TBC1D10B: variants seen among roughly 807,000 people sequenced by gnomAD.
TBC1D10B encodes the protein TBC1 domain family member 10B, also known as Rab27A-GAPbeta.
Under a neutral mutation model 78.4 loss-of-function variants are expected in TBC1D10B, and 25 were observed. The ratio of observed to expected loss-of-function variants is 0.32; its 90% CI spans 0.23 to 0.45. TBC1D10B has a LOEUF of 0.45. Ranked by LOEUF, TBC1D10B falls within the 20% of genes least tolerant of loss-of-function variation. The probability of loss-of-function intolerance (pLI) is 1.00; values close to 1 mark genes in which losing one functional copy is unlikely to be tolerated. For missense variants in TBC1D10B, 996 were observed against 1,104.8 expected, an observed-to-expected ratio of 0.90 and a Z score of 1.40; for synonymous variants, 517 against 478.0, an observed-to-expected ratio of 1.08 and a Z score of -1.06.
chr16:30,358,078 T>C lies in TBC1D10B; in HGVS notation c.2293A>G (p.Lys765Glu). ...KQEKEREKQEKERQKQEKKAQ... is the reference protein window; with the variant it reads ...KQEKEREKQEEERQKQEKKAQ... ...TTCTTCTCCTGCTTCTGCCGCTCCT[T>C]CTCCTGCTTCTCTCGCTCCTTTTCC... The change falls in exon 9 of 9, where the codon AAG becomes GAG. Residue 765 changes from lysine (K) to glutamate (E), a missense_variant. By Grantham distance (56) the Lys-to-Glu change is moderately conservative. Transcript: ENST00000409939. 3 of 1,551,378 alleles carry C rather than the reference T, an allele frequency of 1.9e-6. No homozygotes were observed. Among genetic ancestry groups the C allele is most frequent in the Admixed American group, 2.0e-5 (1 of 51,006 alleles).
At position 30,358,745 on chromosome 16, in the gene TBC1D10B, G is replaced by T; in HGVS notation, c.1715C>A (p.Ser572Tyr). The change falls in exon 8 of 9, where the codon TCC becomes TAC. Residue 572 changes from serine (S) to tyrosine (Y), a missense_variant. Ser to Tyr is a moderately radical substitution (Grantham distance 144, BLOSUM62 -2). This residue lies in a region of TBC1D10B where 168 missense variants were observed against 238.7 expected (regional missense o/e 0.70). Transcript: ENST00000409939. The stretch of plus-strand genomic sequence containing the variant: ...CATGGTCTCATACATGCCTTGGCAG[G>T]AGCGCAGCTTCTCCACTGAGCCCAG... ...HTLGSVEKLR[S>Y]CQGMYETMEQ... The T allele has an allele frequency of 6.2e-7, 1 of 1,609,668 alleles. No homozygotes were observed. The highest frequency in any genetic ancestry group is 8.5e-7 in the Non-Finnish European group (1 of 1,178,064).
At position 30,358,399 on chromosome 16, in the gene TBC1D10B, TGGA is replaced by T; in HGVS notation, c.1969_1971del (p.Ser658del). 1.3e-6 allele frequency: 2 copies of T among 1,571,546 alleles called. No homozygotes were observed. The highest frequency in any genetic ancestry group is 1.7e-6 in the Non-Finnish European group (2 of 1,158,988). ...TTGAGGCCAGGGAGGCTGAGGAGGC[TGGA>T]GGAGGGGCCCAGGGGTGGCTGTTGC... is the stretch of plus-strand genomic sequence containing the variant. On this transcript the variant is annotated inframe_deletion, in exon 9 of 9. Coordinates refer to ENST00000409939, the MANE Select transcript of TBC1D10B (RefSeq NM_015527.4).
chr16:30,370,088 G>A lies in TBC1D10B; in HGVS notation c.96C>T (p.Pro32=), dbSNP rs934936556. 102 of 1,225,088 alleles carry A rather than the reference G, an allele frequency of 8.3e-5. No homozygotes were observed. The highest frequency in any genetic ancestry group is 1.0e-4 in the Non-Finnish European group (99 of 983,838). The allele number at this position is 1,225,088 out of a possible 1,614,324, so 75.9% of individuals were successfully genotyped here. ...GAGGTCCCGGAGCCACCACCACGAC[G>A]GGCCCGGCCCGGGAACCCCGGGGCG... ...SPPPRGSRAG[P]VVVVAPGPPV... is the part of the protein sequence containing the mutation. Residue 32 remains proline, a synonymous_variant, in exon 1 of 9, where the codon CCC becomes CCT. Coordinates refer to ENST00000409939, the MANE Select transcript of TBC1D10B (RefSeq NM_015527.4).
intron 4 of TBC1D10B, 122 bp from the exon 5 acceptor site, chr16:30,359,963 T>A: frequency 2.2e-6 from 2 of 904,802 alleles, no homozygotes; most frequent in Non-Finnish European, 3.3e-6. Context: ...CCAGTCCTGC[T>A]GAGCGAGCTT....
rs760995154 is a variant in TBC1D10B, at chr16:30,358,480, G to C, written c.1891C>G (p.Arg631Gly). 1 of 1,598,126 alleles carries C rather than the reference G, an allele frequency of 6.3e-7. No individual in the cohort carries two copies. ...WRETRGELQY[R>G]PSRRLHGSRA... ...GACCCATGCAGTCGCCGTGAGGGCC[G>C]ATACTGCAGCTCCCCCCGCGTTTCC... Residue 631 changes from arginine to glycine, a missense_variant, in exon 9 of 9, where the codon CGG (arginine) becomes GGG (glycine). This residue lies in a region of TBC1D10B where 285 missense variants were observed against 252.5 expected (regional missense o/e 1.13). Coordinates refer to ENST00000409939, the MANE Select transcript of TBC1D10B (RefSeq NM_015527.4).
intron 4 of TBC1D10B, among the ~76,000 whole-genome samples, chr16:30,362,166 G>T (rs965757492): frequency 3.3e-5 from 5 of 151,404 alleles, no homozygotes; most frequent in African/African-American, 9.7e-5. Flanking sequence ...AATATTTTTA[G>T]TAGAGACGGG....
chr16:30,363,719 G>A (rs2049613892), intron 4 of TBC1D10B, among the ~76,000 whole-genome samples: 1 of 152,154 alleles, frequency 6.6e-6, no homozygotes, highest in South Asian at 2.1e-4. Flanking sequence ...CACCATGAGA[G>A]GAGTTTTTGG....
chr16:30,369,307 C>G lies in TBC1D10B; in HGVS notation c.877G>C (p.Asp293His). The G allele has an allele frequency of 1.9e-6, 3 of 1,592,984 alleles. No individual in the cohort carries two copies. The highest frequency in any genetic ancestry group is 2.6e-6 in the Non-Finnish European group (3 of 1,170,200). ...AGGGCCAGCCCGTTTATCTCTGAAT[C>G]TGAGCCCATGGAGCTCACATCATCC... is the stretch of plus-strand genomic sequence containing the variant. ...LADDVSSMGS[D>H]SEINGLALRK... The change falls in exon 1 of 9, where the codon GAT becomes CAT. Residue 293 changes from aspartate (D) to histidine (H), a missense_variant. This residue lies in a region of TBC1D10B where 448 missense variants were observed against 442.1 expected (regional missense o/e 1.01). Coordinates refer to ENST00000409939, the MANE Select transcript of TBC1D10B (RefSeq NM_015527.4). This position sits in a 1 kb window ranked among gnomAD's most constrained non-coding sequence, Gnocchi z 4.3.
At chr16:30,358,941 C>T in intron 7 of TBC1D10B, 124 bp from the exon 8 acceptor site, 2 of 1,319,792 alleles carry the variant, frequency 1.5e-6, no homozygotes, top group Non-Finnish European at 2.0e-6. Flanking sequence ...AAACTGAGGC[C>T]CTGTGAAAGT....
chr16:30,369,335 C>G lies in TBC1D10B; in HGVS notation c.849G>C (p.Leu283Phe), dbSNP rs757447407. Residue 283 changes from leucine to phenylalanine, a missense_variant, in exon 1 of 9, where the codon TTG becomes TTC. Physicochemically the swap from Leu to Phe is conservative, Grantham distance 22. Coordinates refer to ENST00000409939, the MANE Select transcript of TBC1D10B (RefSeq NM_015527.4). The surrounding 1 kb of genome is among the most constrained non-coding windows in gnomAD (Gnocchi z 4.3). The stretch of plus-strand genomic sequence containing the variant: ...AGCCCATGGAGCTCACATCATCCGC[C>G]AAGGACTCCAAGGTCCCAGACATGA... ...VSLMSGTLESLADDVSSMGSD... is the reference protein window; with the variant it reads ...VSLMSGTLESFADDVSSMGSD... The G allele has an allele frequency of 5.6e-6, 9 of 1,597,310 alleles. No individual in the cohort carries two copies. The highest frequency in any genetic ancestry group is 1.3e-5 in the African/African-American group (1 of 74,646).
In TBC1D10B at chr16:30,369,889, C is replaced by G; in HGVS notation, c.295G>C (p.Glu99Gln). 1 of 1,387,840 alleles carries G rather than the reference C, an allele frequency of 7.2e-7. No individual in the cohort carries two copies. Among genetic ancestry groups the G allele is most frequent in the Non-Finnish European group, 9.3e-7 (1 of 1,074,280 alleles). The allele number at this position is 1,387,840 out of a possible 1,614,324, so 86.0% of individuals were successfully genotyped here. A position where few individuals can be genotyped will look rare whatever the true frequency, so the allele number is the denominator to read the frequency against. Reference sequence around the variant, plus strand: ...GAGGGGAGCTGCGGCTTTGGGGCTTCGGGCGAGGCCTCCAGGGTCAGCACC... The same window carrying G: ...GAGGGGAGCTGCGGCTTTGGGGCTTGGGGCGAGGCCTCCAGGGTCAGCACC... ...VVVLTLEASP[E>Q]APKPQLPSGP... Residue 99 changes from glutamate (E) to glutamine (Q), a missense_variant, in exon 1 of 9, where the codon GAA (glutamate) becomes CAA (glutamine). Physicochemically the swap from Glu to Gln is conservative, Grantham distance 29. This residue lies in a region of TBC1D10B where 448 missense variants were observed against 442.1 expected (regional missense o/e 1.01). Coordinates refer to ENST00000409939, the MANE Select transcript of TBC1D10B (RefSeq NM_015527.4). The surrounding 1 kb of genome is among the most constrained non-coding windows in gnomAD (Gnocchi z 4.3).
At position 30,358,761 on chromosome 16, in the gene TBC1D10B, C is replaced by T. The variant is rs1162739646; in HGVS notation, c.1699G>A (p.Val567Met). The change falls in exon 8 of 9, where the codon GTG becomes ATG. Residue 567 changes from valine (V) to methionine (M), a missense_variant. By Grantham distance (21) the Val-to-Met change is conservative. This residue lies in a region of TBC1D10B where 168 missense variants were observed against 238.7 expected (regional missense o/e 0.70). Transcript: ENST00000409939. ...LVLLRHTLGS[V>M]EKLRSCQGMY... ...CCTTGGCAGGAGCGCAGCTTCTCCA[C>T]TGAGCCCAGCGTGTGGCGCAGCAGG... The T allele has an allele frequency of 1.2e-6, 2 of 1,609,496 alleles. No homozygotes were observed. Among genetic ancestry groups the T allele is most frequent in the Non-Finnish European group, 1.7e-6 (2 of 1,178,052 alleles).
rs1470601381 is a variant in TBC1D10B at position 30,358,215 on chromosome 16, T to C, written c.2156A>G (p.Lys719Arg). ...TGNSTPLGSS[K>R]ETRKQEKERQ... is the part of the protein sequence containing the mutation. ...CTCCTTCTCCTGCTTCCGGGTCTCC[T>C]TGCTGGAACCCAAGGGGGTGCTATT... Residue 719 changes from lysine (K) to arginine (R), a missense_variant, in exon 9 of 9, where the codon AAG becomes AGG. Lys to Arg is a conservative substitution (Grantham distance 26, BLOSUM62 2). Around this residue, in one of 5 missense-constraint regions of TBC1D10B, gnomAD observed 285 missense variants for 252.5 expected, o/e 1.13. Transcript: ENST00000409939. The C allele has an allele frequency of 1.9e-6, 3 of 1,553,762 alleles. No individual in the cohort carries two copies. The South Asian group carries it at 3.6e-5, about 18-fold the overall frequency.
chr16:30,358,911 A>G, intron 7 of TBC1D10B, 94 bp from the exon 8 acceptor site: 1 of 1,430,570 alleles, frequency 7.0e-7, no homozygotes, highest in Non-Finnish European at 9.3e-7. Flanking sequence ...ATCCCCATCT[A>G]CTGCCAATCT....
rs1243151499 is a variant in TBC1D10B, at chr16:30,365,088, C to T, written c.1164+17G>A. ...CAGACAGGGCCACATGTCCCCACAC[C>T]TTGGAGCTGCACGCACCTCAAACTT... is the stretch of plus-strand genomic sequence containing the variant. On this transcript the variant is annotated intron_variant, in intron 3 of 8. Coordinates refer to ENST00000409939, the MANE Select transcript of TBC1D10B (RefSeq NM_015527.4). The surrounding 1 kb of genome is among the most constrained non-coding windows in gnomAD (Gnocchi z 5.0). 1.9e-6 allele frequency: 3 copies of T among 1,613,262 alleles called. No homozygotes were observed. The highest frequency in any genetic ancestry group is 2.5e-6 in the Non-Finnish European group (3 of 1,179,350).
chr16:30,359,559 T>C lies in TBC1D10B; in HGVS notation c.1431A>G (p.Pro477=), dbSNP rs1334215462. The change falls in exon 6 of 9, where the codon CCA becomes CCG. Residue 477 remains proline, a synonymous_variant. Transcript: ENST00000409939. ...CLVQICDKYL[P]GYYSAGLEAI... ...TCACCAGCCCTGCACTGTAGTAACC[T>C]GGGAGGTACTTGTCGCAGATCTGCA... 2 of 1,562,236 alleles carry C rather than the reference T, an allele frequency of 1.3e-6. No homozygotes were observed. Among genetic ancestry groups the C allele is most frequent in the Middle Eastern group, 1.7e-4 (1 of 6,012 alleles).
At chr16:30,361,672 T>C (rs979240533) in intron 4 of TBC1D10B, among the ~76,000 whole-genome samples, 1 of 152,066 alleles carries the variant, frequency 6.6e-6, no homozygotes, top group South Asian at 2.1e-4. Context: ...CCCAAAGTGC[T>C]GGGATTACAG....
intron 1 of TBC1D10B, among the ~76,000 whole-genome samples, chr16:30,368,890 G>A (rs1486012255): frequency 6.6e-6 from 1 of 152,156 alleles, no homozygotes; most frequent in Non-Finnish European, 1.5e-5. Context: ...CCCCATCAAA[G>A]AGCAGGGATG....
At chr16:30,368,482 G>A (rs1435865156) in intron 1 of TBC1D10B, among the ~76,000 whole-genome samples, 3 of 152,172 alleles carry the variant, frequency 2.0e-5, no homozygotes, top group Non-Finnish European at 4.4e-5. Flanking sequence ...TGGCCCAGCA[G>A]GTCAAAGGGG....
Sources: allele counts gnomAD v4.1 joint callset (sites outside exome capture counted in the v4.1 genomes callset), GRCh38; gene constraint gnomAD v4.1.1; regional missense constraint gnomAD v4.1.1; non-coding constraint Gnocchi (gnomAD v3.1); transcripts MANE v1.5; gene names NCBI Gene and HGNC (gene_info 2026-07-23, HGNC 2026-07-21).